MORC4: variants seen among roughly 807,000 people sequenced by gnomAD.
MORC4 encodes the protein MORC family CW-type zinc finger protein 4.
MORC4 carries 22 observed loss-of-function variants against 65.5 expected under a neutral mutation model. The ratio of observed to expected loss-of-function variants is 0.34; its 90% CI spans 0.24 to 0.48. The LOEUF is 0.48. MORC4 is among the 20% of genes least tolerant of loss of function. The probability of loss-of-function intolerance (pLI) is 0.99; values close to 1 mark genes in which losing one functional copy is unlikely to be tolerated. For missense variants in MORC4, 624 were observed against 703.0 expected, an observed-to-expected ratio of 0.89 and a Z score of 1.27; for synonymous variants, 267 against 255.8, an observed-to-expected ratio of 1.04 and a Z score of -0.42.
chrX:106,981,864 A>C (rs1302470042), intron 5 of MORC4, among the ~76,000 whole-genome samples: 4 of 112,141 alleles, frequency 3.6e-5, no homozygotes, highest in Non-Finnish European at 7.5e-5. Context: ...TAAACAGATG[A>C]ATCAAAACCC....
rs987954226 is a variant in MORC4, at chrX:106,964,808, G to A, written c.1158-2698C>T. 1.2e-4 allele frequency among the ~76,000 whole-genome samples: 13 copies of A among 111,383 alleles called. No homozygotes were observed. In the South Asian group the frequency reaches 5.0e-3, roughly 43 times the overall value. On this transcript the variant is annotated intron_variant, in intron 9 of 16. Transcript: ENST00000355610. ...GTGGATCACCTGAGGCCAGGAGTTC[G>A]AGACTAGCCTGACCAACATGGTGAA... is the stretch of plus-strand genomic sequence containing the variant.
chrX:106,953,185 C>T (rs1175347391), intron 14 of MORC4, among the ~76,000 whole-genome samples: 1 of 111,745 alleles, frequency 8.9e-6, no homozygotes, highest in Non-Finnish European at 1.9e-5. Context: ...ATGAAGTATG[C>T]CACCCAATGG....
chrX:106,986,215 G>GA lies in MORC4; in HGVS notation c.309-16dup, dbSNP rs1396218667. 3.5e-6 allele frequency: 4 copies of GA among 1,127,546 alleles called. No individual in the cohort carries two copies. The highest frequency in any genetic ancestry group is 4.8e-6 in the Non-Finnish European group (4 of 839,221). The allele number at this position is 1,127,546 out of a possible 1,213,427, so 92.9% of individuals were successfully genotyped here. ...TAAAGCCAAAGCTGCAATTACACAAGAAAAAACAAATCAGAAAAAAAGAAA... is the reference window on the plus strand; with the variant it reads ...TAAAGCCAAAGCTGCAATTACACAAGAAAAAAACAAATCAGAAAAAAAGAAA... On this transcript the variant is annotated splice_polypyrimidine_tract_variant and intron_variant, in intron 3 of 16. Transcript: ENST00000355610.
intron 15 of MORC4, 49 bp downstream of exon 15, chrX:106,942,466 C>T (rs769048822): frequency 9.1e-6 from 10 of 1,100,331 alleles, no homozygotes; most frequent in Middle Eastern, 2.5e-4. Flanking sequence ...TGTCCCGCTC[C>T]CTTGGTTACT....
chrX:106,948,850 C>T, intron 14 of MORC4, among the ~76,000 whole-genome samples: 1 of 111,091 alleles, frequency 9.0e-6, no homozygotes, highest in Non-Finnish European at 1.9e-5. Flanking sequence ...TTTCTCTTTG[C>T]TTTTGGCTTT....
chrX:106,968,541 A>C (rs186332252), intron 9 of MORC4, among the ~76,000 whole-genome samples: 2 of 107,553 alleles, frequency 1.9e-5, no homozygotes, highest in East Asian at 6.0e-4. Flanking sequence ...AAGAGTCAAG[A>C]CCCACTGGTG....
intron 14 of MORC4, among the ~76,000 whole-genome samples, chrX:106,946,128 A>C (rs1055572336): frequency 9.0e-6 from 1 of 111,633 alleles, no homozygotes; most frequent in African/African-American, 3.3e-5. Context: ...AAATCTATAA[A>C]TTCACTTAAG....
intron 5 of MORC4, 126 bp from the exon 6 acceptor site, chrX:106,981,603 C>CT (rs1238678211): frequency 3.0e-5 from 17 of 564,551 alleles, no homozygotes; most frequent in Admixed American, 1.5e-4. Flanking sequence ...CTTTCCCTGA[C>CT]TACCAGTGCA....
intron 9 of MORC4, among the ~76,000 whole-genome samples, chrX:106,973,476 G>A (rs1405695396): frequency 2.7e-5 from 3 of 111,314 alleles, no homozygotes; most frequent in Admixed American, 1.9e-4. Context: ...TTTTGGAAAC[G>A]TTGGGACGGG....
intron 2 of MORC4, among the ~76,000 whole-genome samples, chrX:106,994,217 C>T (rs191957185): frequency 1.8e-5 from 2 of 112,289 alleles, no homozygotes; most frequent in Admixed American, 1.9e-4. Context: ...CTAGTTGCCG[C>T]ATGTTTTTGC....
intron 3 of MORC4, among the ~76,000 whole-genome samples, chrX:106,989,151 C>T (rs2147825269): frequency 8.9e-6 from 1 of 111,769 alleles, no homozygotes; most frequent in African/African-American, 3.2e-5. Context: ...AAGAATACAC[C>T]TGCTAGGAAG....
intron 14 of MORC4, among the ~76,000 whole-genome samples, chrX:106,943,721 C>CCCACTGGATTGTGT (rs1319870588): frequency 8.9e-6 from 1 of 112,547 alleles, no homozygotes; most frequent in Non-Finnish European, 1.9e-5. Context: ...CTTTCACCAG[C>CCCACTGGATTGTGT]CCACTGGATT....
At chrX:106,975,943 T>C (rs1934613594) in intron 9 of MORC4, among the ~76,000 whole-genome samples, 1 of 111,772 alleles carries the variant, frequency 8.9e-6, no homozygotes, top group Non-Finnish European at 1.9e-5. Context: ...GTCTTATTTT[T>C]CATCCTTAGT....
chrX:106,972,234 G>T (rs1339688826), intron 9 of MORC4, among the ~76,000 whole-genome samples: 1 of 110,913 alleles, frequency 9.0e-6, no homozygotes, highest in South Asian at 3.9e-4. Context: ...ACCAAACACC[G>T]CATGTTCTCA....
Position 106,942,169 on chromosome X carries a change from A to G in MORC4, c.2429T>C (p.Val810Ala). 1 of 1,210,481 alleles carries G rather than the reference A, an allele frequency of 8.3e-7. No homozygotes were observed. Among genetic ancestry groups the G allele is most frequent in the Non-Finnish European group, 1.1e-6 (1 of 894,720 alleles). Residue 810 changes from valine (V) to alanine (A), a missense_variant, in exon 16 of 17, where the codon GTC becomes GCC. Physicochemically the swap from Val to Ala is moderately conservative, Grantham distance 64. Coordinates refer to ENST00000355610, the MANE Select transcript of MORC4 (RefSeq NM_024657.5). ...ACTGTAGATCACCAATTCATGTTGGACTTTCTTGAATTCAGACTGCCAGTG... is the reference window on the plus strand; with the variant it reads ...ACTGTAGATCACCAATTCATGTTGGGCTTTCTTGAATTCAGACTGCCAGTG... ...RNHWQSEFKK[V>A]QHELVIYSTQ...
At chrX:106,969,848 CA>C (rs1180376884) in intron 9 of MORC4, among the ~76,000 whole-genome samples, 5 of 111,222 alleles carry the variant, frequency 4.5e-5, no homozygotes, top group Non-Finnish European at 9.4e-5. Context: ...GCCTACCAAC[CA>C]AAAAAAGTCC....
At chrX:106,999,493 GGAACCTAGTTCCTGGCGAGAGA>G (rs1465176341) in intron 2 of MORC4, among the ~76,000 whole-genome samples, 162 bp downstream of exon 2, 1 of 111,980 alleles carries the variant, frequency 8.9e-6, no homozygotes, top group Non-Finnish European at 1.9e-5. Flanking sequence ...TTTTATGAGC[GGAACCTAGTTCCTGGCGAGAGA>G]GCCATCCCCC....
chrX:106,955,960 T>C (rs985852697), intron 13 of MORC4, among the ~76,000 whole-genome samples: 1 of 111,478 alleles, frequency 9.0e-6, no homozygotes, highest in Non-Finnish European at 1.9e-5. Context: ...CCAACCTTAC[T>C]GCACCCTTCA....
chrX:106,951,469 C>A (rs1407067828), intron 14 of MORC4, among the ~76,000 whole-genome samples: 3 of 110,683 alleles, frequency 2.7e-5, no homozygotes, highest in African/African-American at 9.9e-5. Context: ...AGCCTATGCT[C>A]AAGCGATCCT....
Sources: gnomAD v4.1 joint callset for allele counts (sites outside exome capture counted in the v4.1 genomes callset) on GRCh38, gnomAD v4.1.1 for gene constraint, MANE v1.5 for transcripts, NCBI Gene and HGNC (gene_info 2026-07-23, HGNC 2026-07-21) for gene names.